The following DOP1B variants were observed in gnomAD, a reference collection of about 807,000 sequenced individuals.
The protein encoded by DOP1B is protein DOP1B.
Under a neutral mutation model 233.5 loss-of-function variants are expected in DOP1B, and 174 were observed. The ratio of observed to expected loss-of-function variants is 0.75; its 90% CI spans 0.66 to 0.85. DOP1B has a LOEUF of 0.85. Among genes scored for constraint, DOP1B ranks in the 40% least tolerant of loss-of-function variants. The pLI is 0.00. For missense variants in DOP1B, 2,652 were observed against 2,846.6 expected, an observed-to-expected ratio of 0.93 and a Z score of 1.56; for synonymous variants, 1,190 against 1,185.6, an observed-to-expected ratio of 1.00 and a Z score of -0.08.
intron 1 of DOP1B, among the ~76,000 whole-genome samples, chr21:36,158,108 AT>A (rs1233900698): frequency 2.6e-5 from 4 of 151,966 alleles, no homozygotes; most frequent in Non-Finnish European, 5.9e-5. Context: ...CCTGAATTTG[AT>A]TTTCTATGAA....
At position 36,173,781 on chromosome 21, in the gene DOP1B, GC is replaced by G. The variant is rs537263541; in HGVS notation, c.138+8912del. Among the ~76,000 whole-genome samples, 3 of 151,674 alleles carry G rather than the reference GC, an allele frequency of 2.0e-5. No homozygotes were observed. The South Asian group carries it at 6.2e-4, about 32-fold the overall frequency. ...GCCCTGAACCCAGGTGCTCTACCAAGCCTGATTTACAGCTTTGATTTTGGAA... is the reference window on the plus strand; with the variant it reads ...GCCCTGAACCCAGGTGCTCTACCAAGCTGATTTACAGCTTTGATTTTGGAA... On this transcript the variant is annotated intron_variant, in intron 2 of 36. Coordinates refer to ENST00000691173, the MANE Select transcript of DOP1B (RefSeq NM_001320714.2).
chr21:36,211,848 A>T lies in DOP1B; in HGVS notation c.781-126A>T, dbSNP rs535666406. ...TATTGAATAGCTTCTTTCCATGGGT[A>T]ATGTGTAAGGAACCAGCCCATTTTG... On this transcript the variant is annotated intron_variant, in intron 6 of 36. Transcript: ENST00000691173. The T allele has an allele frequency of 1.3e-5, 19 of 1,417,962 alleles. No homozygotes were observed. The East Asian group carries it at 3.9e-4, about 29-fold the overall frequency. The allele number at this position is 1,417,962 out of a possible 1,614,324, so 87.8% of individuals were successfully genotyped here.
chr21:36,178,667 A>G (rs2066059718), intron 2 of DOP1B, among the ~76,000 whole-genome samples: 1 of 152,224 alleles, frequency 6.6e-6, no homozygotes, highest in Admixed American at 6.5e-5. Context: ...AGAAGGAACT[A>G]AGTTAAACTT....
chr21:36,242,152 A>G (rs2066899301), intron 18 of DOP1B, among the ~76,000 whole-genome samples: 1 of 67,470 alleles, frequency 1.5e-5, no homozygotes, highest in African/African-American at 1.1e-4. Flanking sequence ...TTCCTTGGGC[A>G]TTATTATTAT....
rs368082729 is a variant in DOP1B at position 36,253,742 on chromosome 21, C to T, written c.5122-30C>T. On this transcript the variant is annotated intron_variant, in intron 22 of 36. Coordinates refer to ENST00000691173, the MANE Select transcript of DOP1B (RefSeq NM_001320714.2). ...CTTATTTTTACTTTCTCTCTATAAGCTTTCAAGGAACTTTTTTTTTTCTTG... is the reference window on the plus strand; with the variant it reads ...CTTATTTTTACTTTCTCTCTATAAGTTTTCAAGGAACTTTTTTTTTTCTTG... 35 of 1,606,094 alleles carry T rather than the reference C, an allele frequency of 2.2e-5. No homozygotes were observed. In the South Asian group the frequency reaches 3.4e-4, roughly 16 times the overall value.
intron 2 of DOP1B, among the ~76,000 whole-genome samples, chr21:36,175,318 C>G (rs1017429542): frequency 2.0e-5 from 3 of 150,460 alleles, no homozygotes; most frequent in Admixed American, 6.6e-5. Context: ...ACCATGTTGG[C>G]CAGGCTGGTC....
chr21:36,284,274 T>TTC (rs1555900555), intron 32 of DOP1B, among the ~76,000 whole-genome samples: 1 of 126,632 alleles, frequency 7.9e-6, no homozygotes, highest in African/African-American at 3.1e-5. Context: ...TCTTTTTTTT[T>TTC]TTTTTTTTTT....
At chr21:36,166,554 C>T (rs1343731971) in intron 2 of DOP1B, among the ~76,000 whole-genome samples, 1 of 152,072 alleles carries the variant, frequency 6.6e-6, no homozygotes, top group Non-Finnish European at 1.5e-5. Flanking sequence ...CCTTTCTTTC[C>T]CAGAAAGAAA....
chr21:36,258,415 CT>C (rs111603353), intron 23 of DOP1B, among the ~76,000 whole-genome samples: 253 of 147,380 alleles, frequency 1.7e-3, no homozygotes, highest in Middle Eastern at 3.5e-3. Context: ...AAAAGAAAGA[CT>C]TTTTTTTTTT....
chr21:36,259,127 G>A (rs571630407), intron 23 of DOP1B, among the ~76,000 whole-genome samples: 30 of 151,804 alleles, frequency 2.0e-4, no homozygotes, highest in African/African-American at 4.8e-4. Flanking sequence ...CACCACGCCC[G>A]GCTAATTTTT....
chr21:36,180,104 C>T (rs1397368002), intron 2 of DOP1B, among the ~76,000 whole-genome samples: 1 of 150,830 alleles, frequency 6.6e-6, no homozygotes, highest in Admixed American at 6.7e-5. Context: ...CTCCACTATT[C>T]CCATGTTGGG....
chr21:36,175,145 T>A (rs2066009604), intron 2 of DOP1B, among the ~76,000 whole-genome samples: 1 of 151,384 alleles, frequency 6.6e-6, no homozygotes, highest in Non-Finnish European at 1.5e-5. Context: ...GAGTCTCACT[T>A]TGTTGCCCAG....
intron 2 of DOP1B, among the ~76,000 whole-genome samples, chr21:36,167,929 C>CT (rs1568996068): frequency 0.033 from 3,246 of 97,280 alleles, 249 homozygotes; most frequent in South Asian, 0.044. Flanking sequence ...CTTTTCTTTT[C>CT]TTTTCTTTTT....
intron 10 of DOP1B, among the ~76,000 whole-genome samples, chr21:36,221,421 G>A (rs895789267): frequency 4.6e-5 from 7 of 151,874 alleles, no homozygotes; most frequent in African/African-American, 1.7e-4. Context: ...CTTGAACCTG[G>A]GAGGTGGAGG....
intron 2 of DOP1B, among the ~76,000 whole-genome samples, chr21:36,195,007 G>A (rs7283416): frequency 0.45 from 67,681 of 151,342 alleles, 15,547 homozygotes; most frequent in African/African-American, 0.55. Context: ...GGGGTTCGAG[G>A]CCAGCCTGAG....
Position 36,200,334 on chromosome 21 carries a change from C to T in DOP1B, c.324C>T (p.Cys108=), listed in dbSNP as rs776555944. 31 of 1,587,500 alleles carry T rather than the reference C, an allele frequency of 2.0e-5. No homozygotes were observed. The highest frequency in any genetic ancestry group is 2.2e-5 in the Non-Finnish European group (26 of 1,166,726). ...WLAKDLFLYS[C]GLFPLLAHAA... Reference sequence around the variant, plus strand: ...TCCCTCTCGTTCTTTCTCGAAGCTGCGGGTTATTTCCTCTCCTGGCACACG... The same window carrying T: ...TCCCTCTCGTTCTTTCTCGAAGCTGTGGGTTATTTCCTCTCCTGGCACACG... The change falls in exon 4 of 37, where the codon TGC becomes TGT. Residue 108 remains cysteine, a synonymous_variant. Transcript: ENST00000691173.
intron 27 of DOP1B, among the ~76,000 whole-genome samples, chr21:36,275,879 C>A (rs1441818423): frequency 6.6e-6 from 1 of 152,042 alleles, no homozygotes; most frequent in African/African-American, 2.4e-5. Flanking sequence ...ATGACTGACC[C>A]TGGGTGTGGG....
Position 36,214,069 on chromosome 21 carries a change from G to T in DOP1B, c.905-12G>T. 2.5e-6 allele frequency: 4 copies of T among 1,602,204 alleles called. No individual in the cohort carries two copies. The highest frequency in any genetic ancestry group is 3.4e-6 in the Non-Finnish European group (4 of 1,172,222). Reference sequence around the variant, plus strand: ...CAGCTCTCTTTACAGCTCGGCGCTTGTTCTTTTGTAGGCTCAGACATAAAA... The same window carrying T: ...CAGCTCTCTTTACAGCTCGGCGCTTTTTCTTTTGTAGGCTCAGACATAAAA... On this transcript the variant is annotated splice_polypyrimidine_tract_variant and intron_variant, in intron 7 of 36. Transcript: ENST00000691173.
In DOP1B at chr21:36,260,674, C is replaced by T. The variant is rs1441439666; in HGVS notation, c.5260-3C>T. The T allele has an allele frequency of 2.5e-6, 4 of 1,613,662 alleles. No individual in the cohort carries two copies. The highest frequency in any genetic ancestry group is 1.3e-5 in the African/African-American group (1 of 74,910). On this transcript the variant is annotated splice_polypyrimidine_tract_variant and splice_region_variant and intron_variant, in intron 23 of 36. Coordinates refer to ENST00000691173, the MANE Select transcript of DOP1B (RefSeq NM_001320714.2). ...GAGTAATTGGTTTTACTTTCATTTT[C>T]AGAAATCGCCCCTAGTGGACATTCC...
Sources: allele counts gnomAD v4.1 joint callset (sites outside exome capture counted in the v4.1 genomes callset), GRCh38; gene constraint gnomAD v4.1.1; transcripts MANE v1.5; gene names NCBI Gene and HGNC (gene_info 2026-07-23, HGNC 2026-07-21).